Variants in ETHE1 observed in about 807,000 individuals in gnomAD.
ETHE1 encodes ETHE1 persulfide dioxygenase.
Under a neutral mutation model 25.7 loss-of-function variants are expected in ETHE1, and 16 were observed. The observed-to-expected ratio is 0.62, with a 90% CI of 0.42 to 0.95. The LOEUF (loss-of-function observed/expected upper bound fraction) is 0.95. Ranked by LOEUF, ETHE1 falls within the 40% of genes least tolerant of loss-of-function variation. The pLI is 0.00. For missense variants in ETHE1, 300 were observed against 333.6 expected (o/e 0.90, Z 0.79); for synonymous variants, 139 against 135.9 (o/e 1.02, Z -0.16).
At chr19:43,526,384 C>T (rs1243378366) in intron 2 of ETHE1, 35 bp from the exon 3 acceptor site, 2 of 1,613,574 alleles carry the variant, frequency 1.2e-6, no homozygotes, top group Non-Finnish European at 1.7e-6. Context: ...CCGGAGGGTA[C>T]AGAAAGGACC....
At position 43,526,349 on chromosome 19, in the gene ETHE1, AC is replaced by A; in HGVS notation, c.227-1del. 1 of 1,614,064 alleles carries A rather than the reference AC, an allele frequency of 6.2e-7. No individual in the cohort carries two copies. The highest frequency in any genetic ancestry group is 1.1e-5 in the South Asian group (1 of 91,076). On this transcript the variant is annotated splice_acceptor_variant, in intron 2 of 6. Transcript: ENST00000292147. LOFTEE classifies it high-confidence loss of function. ...GTGGTCCGCGTGGCAGTGGGTATTC[AC>A]TGGGAGAGAGAGGAGGGACAGGTCC...
intron 4 of ETHE1, among the ~76,000 whole-genome samples, chr19:43,509,905 G>A (rs1171884642): frequency 1.3e-5 from 2 of 152,216 alleles, no homozygotes; most frequent in Non-Finnish European, 1.5e-5. Context: ...TAAGTAGGGG[G>A]CAAACCTCTA....
chr19:43,513,184 G>A (rs534958244), intron 3 of ETHE1, among the ~76,000 whole-genome samples: 464 of 152,318 alleles, frequency 3.0e-3, no homozygotes, highest in Non-Finnish European at 5.1e-3. Context: ...CAGGGGTGAA[G>A]CCTTCATAGG....
intron 3 of ETHE1, among the ~76,000 whole-genome samples, chr19:43,518,847 C>G (rs958726845): frequency 2.6e-5 from 4 of 151,528 alleles, no homozygotes; most frequent in Non-Finnish European, 5.9e-5. Context: ...CCTAGAGAAC[C>G]CTGACATTCT....
At chr19:43,517,496 C>G (rs115405578) in intron 3 of ETHE1, among the ~76,000 whole-genome samples, 1,906 of 146,876 alleles carry the variant, frequency 0.013, 38 homozygotes, top group African/African-American at 0.046. Flanking sequence ...AAAAATTAGC[C>G]GAAGCCAGGC....
chr19:43,514,983 A>G (rs1163476051), intron 3 of ETHE1, among the ~76,000 whole-genome samples: 3 of 152,236 alleles, frequency 2.0e-5, no homozygotes, highest in African/African-American at 7.2e-5. Flanking sequence ...ACAGTGGTCA[A>G]TATACTTAAT....
chr19:43,519,711 GT>G (rs1972102009), intron 3 of ETHE1, among the ~76,000 whole-genome samples: 1 of 151,964 alleles, frequency 6.6e-6, no homozygotes, highest in Non-Finnish European at 1.5e-5. Flanking sequence ...TTTCCATTTG[GT>G]TCCCAAGTTC....
intron 3 of ETHE1, among the ~76,000 whole-genome samples, chr19:43,520,435 G>T (rs1476779722): frequency 1.3e-5 from 2 of 151,832 alleles, no homozygotes; most frequent in African/African-American, 4.8e-5. Flanking sequence ...CTGGTGCAGT[G>T]GCTCACTCTA....
chr19:43,510,103 C>G (rs1358269655), intron 4 of ETHE1, among the ~76,000 whole-genome samples: 1 of 152,174 alleles, frequency 6.6e-6, no homozygotes, highest in South Asian at 2.1e-4. Flanking sequence ...TTCTGTCTTT[C>G]CCTCTCATCC....
intron 4 of ETHE1, among the ~76,000 whole-genome samples, chr19:43,510,335 CTTT>C (rs11330382): frequency 4.5e-5 from 6 of 133,280 alleles, no homozygotes; most frequent in African/African-American, 5.6e-5. Flanking sequence ...CTTTTTTTAT[CTTT>C]TTTTTTTTTT....
At chr19:43,521,281 C>A (rs919373863) in intron 3 of ETHE1, among the ~76,000 whole-genome samples, 1 of 152,032 alleles carries the variant, frequency 6.6e-6, no homozygotes, top group African/African-American at 2.4e-5. Flanking sequence ...GCCGAGACTG[C>A]GCCACTGCAC....
At chr19:43,511,355 T>C in intron 4 of ETHE1, 82 bp downstream of exon 4, 3 of 1,596,354 alleles carry the variant, frequency 1.9e-6, no homozygotes, top group South Asian at 1.1e-5. Flanking sequence ...TGTCCATCCA[T>C]TCATTCTTGT....
At position 43,511,585 on chromosome 19, in the gene ETHE1, T is replaced by C; in HGVS notation, c.376-19A>G. 1 of 1,610,142 alleles carries C rather than the reference T, an allele frequency of 6.2e-7. No homozygotes were observed. Among genetic ancestry groups the C allele is most frequent in the Non-Finnish European group, 8.5e-7 (1 of 1,179,528 alleles). On this transcript the variant is annotated intron_variant, in intron 3 of 6. Coordinates refer to ENST00000292147, the MANE Select transcript of ETHE1 (RefSeq NM_014297.5). ...CCAACGCCTGGCAGGGGTGGAAGAG[T>C]ACAGAGATAGTCACCAAGAAGCCTT...
intron 3 of ETHE1, among the ~76,000 whole-genome samples, chr19:43,514,910 A>G (rs998873703): frequency 6.6e-6 from 1 of 152,230 alleles, no homozygotes; most frequent in Non-Finnish European, 1.5e-5. Context: ...CAGCAACACC[A>G]TAAACAAAAT....
chr19:43,525,197 C>G (rs1463103375), intron 3 of ETHE1, among the ~76,000 whole-genome samples: 1 of 151,658 alleles, frequency 6.6e-6, no homozygotes, highest in African/African-American at 2.4e-5. Context: ...TAGCTAAACC[C>G]TTCGTTCATT....
Position 43,506,827 on chromosome 19 carries a change from G to A in ETHE1, c.*23C>T, listed in dbSNP as rs775279939. On this transcript the variant is annotated 3_prime_UTR_variant, in exon 7 of 7. Coordinates refer to ENST00000292147, the MANE Select transcript of ETHE1 (RefSeq NM_014297.5). ...CCCACCTAGTGCATTAATAGTGGAT[G>A]GGAGCATCTGACAGAAGTGAGATCA... The A allele has an allele frequency of 5.6e-6, 9 of 1,610,266 alleles. No homozygotes were observed. The South Asian group carries it at 9.9e-5, about 18-fold the overall frequency.
At chr19:43,520,636 G>A (rs1972120803) in intron 3 of ETHE1, among the ~76,000 whole-genome samples, 1 of 151,782 alleles carries the variant, frequency 6.6e-6, no homozygotes, top group Middle Eastern at 3.4e-3. Flanking sequence ...GGAGGTTGAG[G>A]CTGCAGTGAG....
At chr19:43,519,536 T>C (rs1396870734) in intron 3 of ETHE1, among the ~76,000 whole-genome samples, 1 of 152,106 alleles carries the variant, frequency 6.6e-6, no homozygotes, top group Non-Finnish European at 1.5e-5. Flanking sequence ...CTGTGACACA[T>C]CCCCAGAGCT....
At chr19:43,517,969 CAA>C (rs937533368) in intron 3 of ETHE1, among the ~76,000 whole-genome samples, 24 of 145,112 alleles carry the variant, frequency 1.7e-4, no homozygotes, top group African/African-American at 5.6e-4. Flanking sequence ...AAACAAAAAA[CAA>C]AAGTCAATAT....
Sources: allele counts gnomAD v4.1 joint callset (sites outside exome capture counted in the v4.1 genomes callset), GRCh38; gene constraint gnomAD v4.1.1; transcripts MANE v1.5; gene names NCBI Gene and HGNC (gene_info 2026-07-23, HGNC 2026-07-21).